Variants in CNTNAP2 observed in about 807,000 individuals in gnomAD.
CNTNAP2 encodes the protein contactin associated protein 2.
CNTNAP2 carries 98 observed loss-of-function variants against 155.2 expected under a neutral mutation model. The ratio of observed to expected loss-of-function variants is 0.63; its 90% CI spans 0.54 to 0.75. The LOEUF (loss-of-function observed/expected upper bound fraction) is 0.75, where lower values mean the gene tolerates loss of function less well. Ranked by LOEUF, CNTNAP2 falls within the 30% of genes least tolerant of loss-of-function variation. The probability of loss-of-function intolerance (pLI) is 0.00; values close to 1 mark genes in which losing one functional copy is unlikely to be tolerated. For synonymous variants in CNTNAP2, 651 were observed against 631.2 expected (o/e 1.03, Z -0.47); for missense variants, 1,727 against 1,688.1 (o/e 1.02, Z -0.40).
intron 1 of CNTNAP2, among the ~76,000 whole-genome samples, chr7:146,347,857 A>G (rs76545216): frequency 0.11 from 16,618 of 151,996 alleles, 1,600 homozygotes; most frequent in African/African-American, 0.26. Flanking sequence ...TGAGCCACGC[A>G]TTTTCTTCTC....
At chr7:147,311,362 A>G (rs1229996892) in intron 9 of CNTNAP2, among the ~76,000 whole-genome samples, 1 of 152,148 alleles carries the variant, frequency 6.6e-6, no homozygotes. Flanking sequence ...GGGAAGGATG[A>G]GTGAGTGGGT....
intron 1 of CNTNAP2, among the ~76,000 whole-genome samples, chr7:146,711,049 A>G (rs865922499): frequency 3.3e-5 from 5 of 151,688 alleles, no homozygotes; most frequent in Admixed American, 3.3e-4. Context: ...GGTGCTGGGG[A>G]GAACACAGGT....
intron 15 of CNTNAP2, among the ~76,000 whole-genome samples, chr7:148,080,163 G>A (rs1379260033): frequency 5.3e-5 from 8 of 152,284 alleles, no homozygotes. Flanking sequence ...GTCTTACAAT[G>A]AGCATATAGC....
At chr7:147,457,655 G>A (rs1352273183) in intron 10 of CNTNAP2, among the ~76,000 whole-genome samples, 1 of 151,738 alleles carries the variant, frequency 6.6e-6, no homozygotes, top group Non-Finnish European at 1.5e-5. Context: ...CGAGATATTG[G>A]TTAAATAAAT....
chr7:147,579,846 A>G lies in CNTNAP2; in HGVS notation c.1897+17589A>G, dbSNP rs79993679. ...ATATTTCACAAACCATCAATGGTAC[A>G]TACACTTGGGAAATTCTGGCTTAAC... On this transcript the variant is annotated intron_variant, in intron 12 of 23. Coordinates refer to ENST00000361727, the MANE Select transcript of CNTNAP2 (RefSeq NM_014141.6). Among the ~76,000 whole-genome samples, 991 of 152,298 alleles carry G rather than the reference A, an allele frequency of 6.5e-3. 11 individuals are homozygous for G. Among genetic ancestry groups the G allele is most frequent in the African/African-American group, 0.023 (949 of 41,568 alleles).
chr7:148,410,565 C>CAAAA (rs56258191), intron 23 of CNTNAP2, among the ~76,000 whole-genome samples: 92 of 112,646 alleles, frequency 8.2e-4, no homozygotes, highest in Middle Eastern at 5.5e-3. Flanking sequence ...AGACCTTTCT[C>CAAAA]AAAAAAAAAA....
chr7:148,276,518 G>C (rs181978081), intron 21 of CNTNAP2, among the ~76,000 whole-genome samples: 2 of 152,218 alleles, frequency 1.3e-5, no homozygotes, highest in African/African-American at 4.8e-5. Flanking sequence ...AGCTTGTCCC[G>C]TGTTTACACC....
chr7:146,855,457 ATAAAC>A (rs1794955566), intron 3 of CNTNAP2, among the ~76,000 whole-genome samples: 2 of 152,304 alleles, frequency 1.3e-5, no homozygotes, highest in African/African-American at 4.8e-5. Context: ...GATTGGTTGA[ATAAAC>A]TAGGCTACAT....
chr7:148,224,438 A>C (rs920858168), intron 19 of CNTNAP2, among the ~76,000 whole-genome samples: 2 of 152,212 alleles, frequency 1.3e-5, no homozygotes, highest in East Asian at 3.8e-4. Flanking sequence ...GAATAAGAGA[A>C]GTTCGTGGTA....
rs992784081 is a variant in CNTNAP2 at position 146,592,504 on chromosome 7, G to T, written c.98-181767G>T. The stretch of plus-strand genomic sequence containing the variant: ...TATGTGACACAGTCTCTGCACTGTA[G>T]TTATAAGCCATGTGTCGCTCCAATT... On this transcript the variant is annotated intron_variant, in intron 1 of 23. Coordinates refer to ENST00000361727, the MANE Select transcript of CNTNAP2 (RefSeq NM_014141.6). 3.9e-5 allele frequency among the ~76,000 whole-genome samples: 6 copies of T among 152,284 alleles called. No homozygotes were observed. In the East Asian group the frequency reaches 1.2e-3, roughly 29 times the overall value.
intron 1 of CNTNAP2, among the ~76,000 whole-genome samples, chr7:146,764,672 G>C (rs73740853): frequency 6.6e-6 from 1 of 152,024 alleles, no homozygotes; most frequent in Admixed American, 6.6e-5. Context: ...ACTACTTCTC[G>C]AAGTAATTTG....
chr7:146,664,157 C>CTTTTTT (rs35241151), intron 1 of CNTNAP2, among the ~76,000 whole-genome samples: 1 of 68,454 alleles, frequency 1.5e-5, no homozygotes, highest in East Asian at 4.2e-4. Context: ...CAATAAATTC[C>CTTTTTT]TTTTTTTTTT....
chr7:146,152,676 A>T (rs1798069184), intron 1 of CNTNAP2, among the ~76,000 whole-genome samples: 1 of 152,140 alleles, frequency 6.6e-6, no homozygotes, highest in Non-Finnish European at 1.5e-5. Flanking sequence ...GATAAAATAA[A>T]ATAATATAAT....
intron 3 of CNTNAP2, among the ~76,000 whole-genome samples, chr7:146,875,511 A>C (rs1167486210): frequency 6.6e-6 from 1 of 152,090 alleles, no homozygotes; most frequent in East Asian, 1.9e-4. Context: ...AAAACACGAA[A>C]CTGTCTTTCT....
At chr7:148,162,996 CA>C (rs913223493) in intron 17 of CNTNAP2, among the ~76,000 whole-genome samples, 1 of 151,652 alleles carries the variant, frequency 6.6e-6, no homozygotes, top group South Asian at 2.1e-4. Context: ...AAAACTGTGC[CA>C]AAAAAAATAA....
chr7:146,252,102 G>C (rs1409879748), intron 1 of CNTNAP2, among the ~76,000 whole-genome samples: 1 of 152,142 alleles, frequency 6.6e-6, no homozygotes, highest in Non-Finnish European at 1.5e-5. Context: ...GACATACCAG[G>C]GGAGACAGAG....
chr7:148,008,226 G>A (rs1802013801), intron 15 of CNTNAP2, among the ~76,000 whole-genome samples: 2 of 149,534 alleles, frequency 1.3e-5, no homozygotes, highest in African/African-American at 5.0e-5. Context: ...AAAAAAATTA[G>A]CTGGGCATGG....
chr7:146,498,360 C>A (rs6942736), intron 1 of CNTNAP2, among the ~76,000 whole-genome samples: 47,363 of 151,898 alleles, frequency 0.31, 8,689 homozygotes, highest in African/African-American at 0.5. Flanking sequence ...ATAAGCCTGC[C>A]CTAATTTATT....
In CNTNAP2 at chr7:147,693,103, T is replaced by A. The variant is rs150789900; in HGVS notation, c.2098+53797T>A. Among the ~76,000 whole-genome samples, 3 of 152,182 alleles carry A rather than the reference T, an allele frequency of 2.0e-5. No homozygotes were observed. The East Asian group carries it at 5.8e-4, about 29-fold the overall frequency. On this transcript the variant is annotated intron_variant, in intron 13 of 23. Coordinates refer to ENST00000361727, the MANE Select transcript of CNTNAP2 (RefSeq NM_014141.6). ...ATCCAGTTGTTCCAGCCTCCTTTGTTGAAGAAAACTATCTTTTCTTCATTT... is the reference window on the plus strand; with the variant it reads ...ATCCAGTTGTTCCAGCCTCCTTTGTAGAAGAAAACTATCTTTTCTTCATTT...
Sources: allele counts gnomAD v4.1 joint callset (sites outside exome capture counted in the v4.1 genomes callset), GRCh38; gene constraint gnomAD v4.1.1; transcripts MANE v1.5; gene names NCBI Gene and HGNC (gene_info 2026-07-23, HGNC 2026-07-21).